DPYSL3: variants seen among roughly 807,000 people sequenced by gnomAD.
DPYSL3 encodes dihydropyrimidinase like 3.
In DPYSL3, 16 loss-of-function variants were observed where a neutral mutation model predicts 66.1. That is an observed-to-expected ratio of 0.24 (90% CI 0.16 to 0.37). The LOEUF (loss-of-function observed/expected upper bound fraction) is 0.37. DPYSL3 is among the 10% of genes least tolerant of loss of function. DPYSL3 has a pLI of 1.00. For synonymous variants in DPYSL3, 338 were observed against 345.1 expected, an observed-to-expected ratio of 0.98 and a Z score of 0.23; for missense variants, 738 against 916.2, an observed-to-expected ratio of 0.81 and a Z score of 2.51.
At chr5:147,425,031 T>C (rs2126330815) in intron 1 of DPYSL3, 68 bp from the exon 2 acceptor site, 1 of 1,269,936 alleles carries the variant, frequency 7.9e-7, no homozygotes. Context: ...TCTGCCAAGG[T>C]TTTCCCAATT....
chr5:147,452,778 T>G (rs17106761), intron 1 of DPYSL3, among the ~76,000 whole-genome samples: 1 of 151,852 alleles, frequency 6.6e-6, no homozygotes, highest in Non-Finnish European at 1.5e-5. Context: ...ACTGCATGCA[T>G]ACAGCGTGCG....
chr5:147,406,731 T>C (rs893573128), intron 7 of DPYSL3, among the ~76,000 whole-genome samples: 4 of 152,232 alleles, frequency 2.6e-5, no homozygotes, highest in Admixed American at 2.6e-4. Flanking sequence ...GACTTTGACA[T>C]TCTTCCATTC....
chr5:147,435,827 T>C (rs1220917758), intron 1 of DPYSL3, among the ~76,000 whole-genome samples: 1 of 152,170 alleles, frequency 6.6e-6, no homozygotes, highest in Non-Finnish European at 1.5e-5. Flanking sequence ...ACAAAGAAAT[T>C]ACTTAACAAA....
intron 1 of DPYSL3, among the ~76,000 whole-genome samples, chr5:147,427,907 G>A (rs1752226694): frequency 6.6e-6 from 1 of 152,128 alleles, no homozygotes; most frequent in African/African-American, 2.4e-5. Flanking sequence ...CTGGGTTTTG[G>A]AAAGGGGCCA....
chr5:147,394,151 G>A (rs531232275), intron 13 of DPYSL3, 28 bp from the exon 14 acceptor site: 134 of 1,434,344 alleles, frequency 9.3e-5, no homozygotes, highest in Admixed American at 3.1e-4. Flanking sequence ...TTCCCAGGGG[G>A]AAAAAAAAAA....
intron 13 of DPYSL3, among the ~76,000 whole-genome samples, chr5:147,395,022 T>C (rs941128126): frequency 6.6e-6 from 1 of 152,338 alleles, no homozygotes; most frequent in East Asian, 1.9e-4. Context: ...AGAGAGTTCG[T>C]AAAGAATAGG....
At chr5:147,401,227 A>G (rs1758166655) in intron 9 of DPYSL3, among the ~76,000 whole-genome samples, 1 of 152,238 alleles carries the variant, frequency 6.6e-6, no homozygotes, top group African/African-American at 2.4e-5. Flanking sequence ...GTAAATGCTG[A>G]TAAGAGTGCC....
intron 1 of DPYSL3, among the ~76,000 whole-genome samples, chr5:147,454,675 C>T (rs1161779983): frequency 1.3e-5 from 2 of 152,178 alleles, no homozygotes; most frequent in Non-Finnish European, 2.9e-5. Flanking sequence ...TGCTATTGCT[C>T]CCCATCAGTA....
intron 1 of DPYSL3, among the ~76,000 whole-genome samples, chr5:147,438,732 C>G (rs7737670): frequency 0.028 from 4,196 of 152,310 alleles, 186 homozygotes; most frequent in African/African-American, 0.091. Context: ...ATGTTTCAGA[C>G]TGAAGTTTAC....
At chr5:147,480,659 T>G (rs777407491) in intron 1 of DPYSL3, among the ~76,000 whole-genome samples, 1 of 151,142 alleles carries the variant, frequency 6.6e-6, no homozygotes, top group African/African-American at 2.4e-5. Context: ...TACAGATTTG[T>G]TGAAATGAAC....
intron 11 of DPYSL3, 26 bp from the exon 12 acceptor site, chr5:147,397,871 C>A: frequency 6.6e-7 from 1 of 1,514,110 alleles, no homozygotes; most frequent in South Asian, 1.2e-5. Context: ...AGAAGCAAAG[C>A]CACAGTAAGG....
At chr5:147,506,883 T>C (rs1753690451) in intron 1 of DPYSL3, among the ~76,000 whole-genome samples, 1 of 152,226 alleles carries the variant, frequency 6.6e-6, no homozygotes, top group Non-Finnish European at 1.5e-5. Context: ...ATTTGCCAAA[T>C]ATTTCTAGTC....
chr5:147,449,182 GC>G (rs1010757348), intron 1 of DPYSL3, among the ~76,000 whole-genome samples: 31 of 152,078 alleles, frequency 2.0e-4, no homozygotes, highest in African/African-American at 6.5e-4. Flanking sequence ...CTAGTTCTAG[GC>G]CCCCAGCTTA....
chr5:147,413,472 A>G, intron 5 of DPYSL3, 124 bp downstream of exon 5: 1 of 734,220 alleles, frequency 1.4e-6, no homozygotes, highest in Non-Finnish European at 2.3e-6. Flanking sequence ...AGGCTTCAAG[A>G]AGCATTCTGG....
intron 12 of DPYSL3, 53 bp downstream of exon 12, chr5:147,397,613 C>A (rs1758029231): frequency 3.8e-6 from 6 of 1,562,074 alleles, no homozygotes; most frequent in Non-Finnish European, 4.4e-6. Context: ...TATCTCTGAG[C>A]GTGAGTGGAA....
At chr5:147,460,171 C>A (rs146516153) in intron 1 of DPYSL3, among the ~76,000 whole-genome samples, 1 of 152,218 alleles carries the variant, frequency 6.6e-6, no homozygotes, top group African/African-American at 2.4e-5. Flanking sequence ...TGATCTTCAT[C>A]TCTGGCCCAG....
intron 1 of DPYSL3, among the ~76,000 whole-genome samples, chr5:147,481,011 C>T (rs915291529): frequency 5.3e-5 from 8 of 151,978 alleles, no homozygotes; most frequent in African/African-American, 1.9e-4. Context: ...TGTGAGCCAC[C>T]ACGCCTGGCC....
chr5:147,506,498 G>A (rs1159422154), intron 1 of DPYSL3, among the ~76,000 whole-genome samples: 1 of 151,910 alleles, frequency 6.6e-6, no homozygotes, highest in Admixed American at 6.6e-5. Context: ...ATTCAGTTCT[G>A]GGCACTGTAT....
At chr5:147,481,548 A>C (rs1002223149) in intron 1 of DPYSL3, among the ~76,000 whole-genome samples, 2 of 152,200 alleles carry the variant, frequency 1.3e-5, no homozygotes, top group Admixed American at 6.5e-5. Flanking sequence ...GGATGATGCA[A>C]AAGGCTTGCT....
Sources: allele counts gnomAD v4.1 joint callset (sites outside exome capture counted in the v4.1 genomes callset), GRCh38; gene constraint gnomAD v4.1.1; transcripts MANE v1.5; gene names NCBI Gene and HGNC (gene_info 2026-07-23, HGNC 2026-07-21).